GREB1L: variants seen among roughly 807,000 people sequenced by gnomAD.
GREB1L encodes the protein GREB1 like retinoic acid receptor coactivator.
In GREB1L, 17 loss-of-function variants were observed where a neutral mutation model predicts 200.8. The ratio of observed to expected loss-of-function variants is 0.08; its 90% CI spans 0.06 to 0.13. The LOEUF is 0.13. Ranked by LOEUF, GREB1L falls within the 10% of genes least tolerant of loss-of-function variation. GREB1L has a pLI of 1.00. For synonymous variants in GREB1L, 789 were observed against 893.0 expected (o/e 0.88, Z 2.08); for missense variants, 1,657 against 2,367.7 (o/e 0.70, Z 6.23).
intron 1 of GREB1L, among the ~76,000 whole-genome samples, chr18:21,350,437 C>T (rs1157811863): frequency 6.6e-6 from 1 of 151,956 alleles, no homozygotes. Context: ...TGGGGTTTCA[C>T]CATGTTGGCC....
chr18:21,470,256 C>T (rs1409156676), intron 15 of GREB1L, among the ~76,000 whole-genome samples: 1 of 152,122 alleles, frequency 6.6e-6, no homozygotes, highest in African/African-American at 2.4e-5. Context: ...CGACTGCACT[C>T]AGCGTGGGTG....
intron 17 of GREB1L, among the ~76,000 whole-genome samples, chr18:21,482,127 G>C (rs1027908048): frequency 1.3e-5 from 2 of 152,174 alleles, no homozygotes; most frequent in Non-Finnish European, 2.9e-5. Flanking sequence ...TTAGAATGAT[G>C]GTCCTGGTAG....
chr18:21,516,231 G>A (rs1211339330), intron 29 of GREB1L, among the ~76,000 whole-genome samples: 1 of 152,196 alleles, frequency 6.6e-6, no homozygotes, highest in East Asian at 1.9e-4. Flanking sequence ...TACGGTTATA[G>A]AATAGCTGCT....
intron 19 of GREB1L, among the ~76,000 whole-genome samples, chr18:21,494,679 C>T (rs1401617059): frequency 2.0e-5 from 3 of 151,752 alleles, no homozygotes; most frequent in Non-Finnish European, 4.4e-5. Context: ...TCCCCTAAAA[C>T]GTTATCAGAA....
chr18:21,515,459 G>A lies in GREB1L; in HGVS notation c.4944G>A (p.Leu1648=), dbSNP rs1481289051. The A allele has an allele frequency of 6.4e-6, 10 of 1,551,538 alleles. No homozygotes were observed. Among genetic ancestry groups the A allele is most frequent in the Non-Finnish European group, 8.7e-6 (10 of 1,146,974 alleles). ...GAGTTTCCAGTAAGAATGTGTCCTTGAAGACTGTCTTGCAGCACATTGAAG... is the reference window on the plus strand; with the variant it reads ...GAGTTTCCAGTAAGAATGTGTCCTTAAAGACTGTCTTGCAGCACATTGAAG... ...EVGVSSKNVS[L]KTVLQHIEAT... Residue 1648 remains leucine, a synonymous_variant, in exon 29 of 33, where the codon TTG becomes TTA. Coordinates refer to ENST00000424526, the MANE Select transcript of GREB1L (RefSeq NM_001142966.3).
intron 7 of GREB1L, among the ~76,000 whole-genome samples, chr18:21,419,873 A>G (rs2031998655): frequency 6.6e-6 from 1 of 151,970 alleles, no homozygotes; most frequent in Non-Finnish European, 1.5e-5. Context: ...TATGTCTCAC[A>G]CCACATACAA....
At chr18:21,288,927 A>G (rs1238869383) in intron 1 of GREB1L, among the ~76,000 whole-genome samples, 4 of 151,882 alleles carry the variant, frequency 2.6e-5, no homozygotes, top group African/African-American at 9.7e-5. Flanking sequence ...TAGTAGAGAC[A>G]GGGTTTCACC....
chr18:21,430,205 T>C (rs980797612), intron 7 of GREB1L, among the ~76,000 whole-genome samples: 2 of 152,184 alleles, frequency 1.3e-5, no homozygotes, highest in African/African-American at 2.4e-5. Context: ...CCTCAACATA[T>C]GGATTGCGGG....
intron 1 of GREB1L, among the ~76,000 whole-genome samples, chr18:21,303,090 C>T (rs1461265065): frequency 2.6e-5 from 4 of 152,166 alleles, no homozygotes; most frequent in East Asian, 1.9e-4. Context: ...ATCCTGACCT[C>T]GGATGATCTG....
At chr18:21,477,069 A>C in intron 16 of GREB1L, 95 bp from the exon 17 acceptor site, 2 of 810,622 alleles carry the variant, frequency 2.5e-6, no homozygotes, top group Non-Finnish European at 3.6e-6. Context: ...AAGAGATAGA[A>C]AAATAAAAAC....
intron 17 of GREB1L, among the ~76,000 whole-genome samples, chr18:21,485,069 A>C (rs760518885): frequency 6.6e-6 from 1 of 152,208 alleles, no homozygotes; most frequent in African/African-American, 2.4e-5. Flanking sequence ...ATTCATTTTC[A>C]TAGTGATGAC....
chr18:21,460,004 G>A (rs2034971539), intron 15 of GREB1L, among the ~76,000 whole-genome samples: 1 of 152,066 alleles, frequency 6.6e-6, no homozygotes, highest in South Asian at 2.1e-4. Context: ...TCATACCCTG[G>A]ACCCTGCCTA....
intron 23 of GREB1L, among the ~76,000 whole-genome samples, chr18:21,502,072 T>G (rs1020099503): frequency 6.6e-6 from 1 of 152,070 alleles, no homozygotes; most frequent in African/African-American, 2.4e-5. Context: ...ACCAACATGG[T>G]GAAACCCTGT....
Position 21,508,229 on chromosome 18 carries a change from A to C in GREB1L, c.4480A>C (p.Lys1494Gln), listed in dbSNP as rs774151972. The stretch of plus-strand genomic sequence containing the variant: ...CAAAGAGAGTCATTTTGTCTTCAGC[A>C]AGCAGGGCAAGCACCTGGAGAGCAT... ...KSKESHFVFS[K>Q]QGKHLESMRL... The change falls in exon 26 of 33, where the codon AAG (lysine) becomes CAG (glutamine). Residue 1494 changes from lysine (K) to glutamine (Q), a missense_variant. Around this residue, in one of 9 missense-constraint regions of GREB1L, gnomAD observed 151 missense variants for 309.6 expected, o/e 0.49. Transcript: ENST00000424526. The C allele has an allele frequency of 3.9e-6, 6 of 1,551,824 alleles. No homozygotes were observed. The South Asian group carries it at 7.1e-5, about 18-fold the overall frequency.
Position 21,516,606 on chromosome 18 carries a change from A to G in GREB1L, c.5130-7A>G, listed in dbSNP as rs569028882. 1 of 1,551,076 alleles carries G rather than the reference A, an allele frequency of 6.4e-7. No homozygotes were observed. Among genetic ancestry groups the G allele is most frequent in the Non-Finnish European group, 8.7e-7 (1 of 1,146,548 alleles). On this transcript the variant is annotated splice_polypyrimidine_tract_variant and splice_region_variant and intron_variant, in intron 29 of 32. Coordinates refer to ENST00000424526, the MANE Select transcript of GREB1L (RefSeq NM_001142966.3). Reference sequence around the variant, plus strand: ...GGAAGAAAACTATTGTTGTGGTTACAATTTAGGTATTTCTGTGAAGATGCT... The same window carrying G: ...GGAAGAAAACTATTGTTGTGGTTACGATTTAGGTATTTCTGTGAAGATGCT...
chr18:21,452,648 C>G (rs2034580653), intron 14 of GREB1L, among the ~76,000 whole-genome samples: 1 of 152,154 alleles, frequency 6.6e-6, no homozygotes, highest in Admixed American at 6.5e-5. Flanking sequence ...GATAGTGAGG[C>G]TTTATTGGCA....
chr18:21,251,426 AC>A (rs1291522455), intron 1 of GREB1L, among the ~76,000 whole-genome samples: 1 of 152,216 alleles, frequency 6.6e-6, no homozygotes, highest in East Asian at 1.9e-4. Flanking sequence ...AAATTATTAT[AC>A]AATATCCTAT....
chr18:21,453,822 T>C (rs1413669112), intron 14 of GREB1L, among the ~76,000 whole-genome samples: 2 of 152,072 alleles, frequency 1.3e-5, no homozygotes, highest in African/African-American at 2.4e-5. Context: ...CCACGTTATG[T>C]AGTGACTGGG....
intron 1 of GREB1L, among the ~76,000 whole-genome samples, chr18:21,267,353 T>C (rs1305461275): frequency 6.6e-6 from 1 of 152,066 alleles, no homozygotes; most frequent in East Asian, 1.9e-4. Flanking sequence ...AGCTAATTTT[T>C]GTATTTTTAG....
Sources: gnomAD v4.1 joint callset for allele counts (sites outside exome capture counted in the v4.1 genomes callset) on GRCh38, gnomAD v4.1.1 for gene constraint, gnomAD v4.1.1 regional missense constraint, MANE v1.5 for transcripts, NCBI Gene and HGNC (gene_info 2026-07-23, HGNC 2026-07-21) for gene names.